The following ACCSL variants were observed in gnomAD, a reference collection of about 807,000 sequenced individuals.
ACCSL encodes the protein probable inactive 1-aminocyclopropane-1-carboxylate synthase-like protein 2.
A neutral mutation model predicts 61.7 loss-of-function variants in ACCSL; 55 were observed. That is an observed-to-expected ratio of 0.89 (90% CI 0.72 to 1.12). The LOEUF (loss-of-function observed/expected upper bound fraction) is 1.12, where lower values mean the gene tolerates loss of function less well. ACCSL is among the 50% of genes most tolerant of loss of function. ACCSL has a pLI of 0.00. For synonymous variants in ACCSL, 258 were observed against 264.3 expected (o/e 0.98, Z 0.23); for missense variants, 632 against 698.0 (o/e 0.91, Z 1.07).
At chr11:44,059,339 G>T (rs1197713462) in intron 13 of ACCSL, among the ~76,000 whole-genome samples, 1 of 152,220 alleles carries the variant, frequency 6.6e-6, no homozygotes, top group African/African-American at 2.4e-5. Flanking sequence ...GATGACCATG[G>T]AAGTCCCTGT....
rs1205804363 is a variant in ACCSL at position 44,055,210 on chromosome 11, T to C, written c.1058T>C (p.Leu353Pro). 6.2e-7 allele frequency: 1 copy of C among 1,608,386 alleles called. No homozygotes were observed. The highest frequency in any genetic ancestry group is 8.5e-7 in the Non-Finnish European group (1 of 1,175,214). Reference sequence around the variant, plus strand: ...TTTCATCTAATCTACAGGTATAACCTACATGTGATCATAGATGAGATTTAC... The same window carrying C: ...TTTCATCTAATCTACAGGTATAACCCACATGTGATCATAGATGAGATTTAC... ...KYLEFAKRYN[L>P]HVIIDEIYML... Residue 353 changes from leucine to proline, a missense_variant, in exon 9 of 14, where the codon CTA becomes CCA. Leu to Pro is a moderately conservative substitution (Grantham distance 98). Transcript: ENST00000378832.
At chr11:44,002,427 G>T in the ACCSL span, among the ~76,000 whole-genome samples, 2 of 152,196 alleles carry the variant, frequency 1.3e-5, no homozygotes, top group Non-Finnish European at 2.9e-5. Context: ...TCTAGGGAAA[G>T]GTTACGCTGG....
chr11:43,945,968 G>A, the ACCSL span, among the ~76,000 whole-genome samples: 4 of 152,244 alleles, frequency 2.6e-5, no homozygotes, highest in Non-Finnish European at 5.9e-5. Context: ...CATATTCCCT[G>A]CTCAGCTGTG....
At chr11:44,009,168 AAAAC>A in the ACCSL span, among the ~76,000 whole-genome samples, 1 of 151,924 alleles carries the variant, frequency 6.6e-6, no homozygotes, top group African/African-American at 2.4e-5. Context: ...ACCCTGTCTC[AAAAC>A]AAACAAACAA....
the ACCSL span, among the ~76,000 whole-genome samples, chr11:44,038,707 A>G: frequency 6.6e-6 from 1 of 152,180 alleles, no homozygotes. Flanking sequence ...CACACTGAAG[A>G]GCTTGCAAAT....
At chr11:44,053,153 C>T in intron 7 of ACCSL, 85 bp downstream of exon 7, 2 of 1,257,308 alleles carry the variant, frequency 1.6e-6, no homozygotes, top group Non-Finnish European at 2.3e-6. Context: ...TGCTTATTCA[C>T]CAAGACCTGG....
chr11:43,942,743 G>A, the ACCSL span: 1 of 156,720 alleles, frequency 6.4e-6, no homozygotes, highest in African/African-American at 2.5e-5. Flanking sequence ...CTCCCGAGGA[G>A]CGCCGGCCCG....
chr11:43,953,468 C>A, the ACCSL span, among the ~76,000 whole-genome samples: 1 of 149,126 alleles, frequency 6.7e-6, no homozygotes, highest in African/African-American at 2.5e-5. Context: ...TTGCAGTGAG[C>A]CAAGATCACA....
At chr11:43,933,975 T>A in the ACCSL span, among the ~76,000 whole-genome samples, 1 of 151,988 alleles carries the variant, frequency 6.6e-6, no homozygotes, top group African/African-American at 2.4e-5. Flanking sequence ...AGTGAGCTCA[T>A]CCCAGCATGA....
chr11:44,011,508 G>A, the ACCSL span, among the ~76,000 whole-genome samples: 1 of 152,200 alleles, frequency 6.6e-6, no homozygotes, highest in Admixed American at 6.5e-5. Flanking sequence ...GTCCACATAA[G>A]TTAGACCTAT....
At chr11:44,025,332 A>T in the ACCSL span, among the ~76,000 whole-genome samples, 13 of 152,056 alleles carry the variant, frequency 8.5e-5, no homozygotes, top group African/African-American at 3.1e-4. Context: ...TTAAAAAATT[A>T]CTTTCTTAGT....
intron 5 of ACCSL, 90 bp from the exon 6 acceptor site, chr11:44,052,572 C>T: frequency 9.1e-7 from 1 of 1,103,148 alleles, no homozygotes; most frequent in Non-Finnish European, 1.4e-6. Flanking sequence ...GACTTTTTTT[C>T]TGTCGATAGC....
chr11:43,992,665 C>T, the ACCSL span, among the ~76,000 whole-genome samples: 3 of 152,160 alleles, frequency 2.0e-5, no homozygotes, highest in African/African-American at 4.8e-5. Context: ...GAGATTCATG[C>T]GCCACTGGAA....
In ACCSL at chr11:44,048,242, C is replaced by T. The variant is rs201063837; in HGVS notation, c.206C>T (p.Ala69Val). The T allele has an allele frequency of 6.2e-7, 1 of 1,614,046 alleles. No individual in the cohort carries two copies. The highest frequency in any genetic ancestry group is 1.7e-5 in the Admixed American group (1 of 60,006). Residue 69 changes from alanine to valine, a missense_variant, in exon 1 of 14, where the codon GCC (alanine) becomes GTC (valine). Physicochemically the swap from Ala to Val is moderately conservative, Grantham distance 64. Coordinates refer to ENST00000378832, the MANE Select transcript of ACCSL (RefSeq NM_001031854.2). ...ACTGAGGCCATCTGTGAGCATGAAGCCCTTCTGAGTCGCTTAATATGCCGG... is the reference window on the plus strand; with the variant it reads ...ACTGAGGCCATCTGTGAGCATGAAGTCCTTCTGAGTCGCTTAATATGCCGG... The part of the protein sequence containing the change: ...RHTEAICEHE[A>V]LLSRLICRMI...
intron 10 of ACCSL, 43 bp downstream of exon 10, chr11:44,056,128 G>T: frequency 6.2e-7 from 1 of 1,614,162 alleles, no homozygotes. Flanking sequence ...AGGAGGAGGA[G>T]CCAGGAATAG....
Position 44,049,218 on chromosome 11 carries a change from G to A in ACCSL, c.504+678G>A, listed in dbSNP as rs138551101. 5.5e-3 allele frequency among the ~76,000 whole-genome samples: 842 copies of A among 152,030 alleles called. 4 individuals carry two copies. Among genetic ancestry groups the A allele is most frequent in the Middle Eastern group, 0.021 (6 of 292 alleles). On this transcript the variant is annotated intron_variant, in intron 1 of 13. Coordinates refer to ENST00000378832, the MANE Select transcript of ACCSL (RefSeq NM_001031854.2). ...GTGGATCGCTCAAGTCCAGGAATTC[G>A]AGACCAGCCAGGGCAACATGGTGAA...
chr11:43,940,778 C>T, the ACCSL span, among the ~76,000 whole-genome samples: 57 of 151,818 alleles, frequency 3.8e-4, no homozygotes, highest in African/African-American at 1.3e-3. Context: ...TCGAATACAC[C>T]AAGTGTATTC....
chr11:43,984,222 C>T, the ACCSL span, among the ~76,000 whole-genome samples: 1 of 152,078 alleles, frequency 6.6e-6, no homozygotes, highest in Non-Finnish European at 1.5e-5. Context: ...CTACACGTGG[C>T]CATTATTGTG....
At chr11:43,954,277 A>G in the ACCSL span, among the ~76,000 whole-genome samples, 3 of 152,174 alleles carry the variant, frequency 2.0e-5, no homozygotes, top group African/African-American at 7.2e-5. Context: ...ACGCCGAGGA[A>G]ATCAAGGACA....
Sources: allele counts gnomAD v4.1 joint callset (sites outside exome capture counted in the v4.1 genomes callset), GRCh38; gene constraint gnomAD v4.1.1; transcripts MANE v1.5; gene names NCBI Gene and HGNC (gene_info 2026-07-23, HGNC 2026-07-21).